Variants in UBOX5 observed in about 807,000 individuals in gnomAD.
The protein encoded by UBOX5 is RING finger protein 37.
Under a neutral mutation model 39.0 loss-of-function variants are expected in UBOX5, and 28 were observed. That is an observed-to-expected ratio of 0.72 (90% CI 0.53 to 0.98). The LOEUF (loss-of-function observed/expected upper bound fraction) is 0.98. UBOX5 is among the 50% of genes least tolerant of loss of function. The pLI is 0.00. For missense variants in UBOX5, 585 were observed against 674.4 expected (o/e 0.87, Z 1.47); for synonymous variants, 283 against 275.5 (o/e 1.03, Z -0.27).
intron 1 of UBOX5, among the ~76,000 whole-genome samples, chr20:3,134,029 T>C (rs1415694693): frequency 6.6e-6 from 1 of 152,106 alleles, no homozygotes; most frequent in Non-Finnish European, 1.5e-5. Flanking sequence ...AGTGCTGAGA[T>C]TACAGGTGTG....
intron 1 of UBOX5, among the ~76,000 whole-genome samples, chr20:3,137,582 T>C (rs2066482447): frequency 6.6e-6 from 1 of 152,224 alleles, no homozygotes; most frequent in African/African-American, 2.4e-5. Context: ...ACATCTTGCA[T>C]AGCTATACTA....
intron 1 of UBOX5, chr20:3,148,338 G>A (rs1213122809): frequency 1.2e-6 from 2 of 1,613,970 alleles, no homozygotes; most frequent in East Asian, 4.5e-5. Context: ...GCCACCAAAA[G>A]GAGCTGATCC....
chr20:3,117,420 A>G (rs1467272398), intron 3 of UBOX5, among the ~76,000 whole-genome samples: 1 of 152,124 alleles, frequency 6.6e-6, no homozygotes, highest in Non-Finnish European at 1.5e-5. Flanking sequence ...GCTGTAGCTC[A>G]TGCCTGTAAT....
intron 2 of UBOX5, among the ~76,000 whole-genome samples, 194 bp downstream of exon 2, chr20:3,123,118 C>T (rs1242576189): frequency 2.0e-5 from 3 of 152,120 alleles, no homozygotes; most frequent in Admixed American, 2.0e-4. Flanking sequence ...AGTCACAGCT[C>T]ACCTCACCAT....
intron 1 of UBOX5, among the ~76,000 whole-genome samples, chr20:3,135,476 G>A (rs1222706068): frequency 6.6e-6 from 1 of 152,120 alleles, no homozygotes; most frequent in Non-Finnish European, 1.5e-5. Context: ...GCCACAGCTG[G>A]GAAGGCAAAC....
rs2066599786 is a variant in UBOX5, at chr20:3,149,155, G to A, written c.-42+10611C>T. 1 of 1,448,648 alleles carries A rather than the reference G, an allele frequency of 6.9e-7. No homozygotes were observed. Among genetic ancestry groups the A allele is most frequent in the African/African-American group, 1.4e-5 (1 of 70,642 alleles). The allele number at this position is 1,448,648 out of a possible 1,614,324, so 89.7% of individuals were successfully genotyped here. A position where few individuals can be genotyped will look rare whatever the true frequency, so the allele number is the denominator to read the frequency against. ...GCAATTTCTTGTTTATATGGTGCTT[G>A]ATTAGAGCTGGACGGGGAGGTGTTC... On this transcript the variant is annotated intron_variant, in intron 1 of 4. Coordinates refer to ENST00000217173, the MANE Select transcript of UBOX5 (RefSeq NM_014948.4). The surrounding 1 kb of genome is among the most constrained non-coding windows in gnomAD (Gnocchi z 4.1).
intron 4 of UBOX5, chr20:3,111,878 G>A (rs1393586190): frequency 3.3e-5 from 5 of 152,254 alleles, no homozygotes; most frequent in Admixed American, 2.0e-4. Context: ...CACATGTGAT[G>A]AATGGACCTG....
At chr20:3,130,258 T>C (rs59455925) in intron 1 of UBOX5, among the ~76,000 whole-genome samples, 74 of 62,368 alleles carry the variant, frequency 1.2e-3, no homozygotes, top group African/African-American at 6.4e-3. Flanking sequence ...AATAAATAAA[T>C]AAATAAATAA....
intron 1 of UBOX5, among the ~76,000 whole-genome samples, chr20:3,141,448 G>C (rs914417787): frequency 6.6e-6 from 1 of 151,788 alleles, no homozygotes; most frequent in Non-Finnish European, 1.5e-5. Flanking sequence ...AGGAGTTTTT[G>C]ATACCAGCCT....
At chr20:3,120,155 C>T (rs891653784) in intron 3 of UBOX5, among the ~76,000 whole-genome samples, 8 of 151,962 alleles carry the variant, frequency 5.3e-5, no homozygotes, top group South Asian at 2.1e-4. Context: ...GAGACCATCC[C>T]GGGCACCATG....
chr20:3,120,919 C>T (rs1188171284), intron 3 of UBOX5, among the ~76,000 whole-genome samples: 3 of 152,034 alleles, frequency 2.0e-5, no homozygotes, highest in African/African-American at 7.3e-5. Flanking sequence ...ACCTCTGTGA[C>T]GGTTAGAAAT....
intron 1 of UBOX5, among the ~76,000 whole-genome samples, chr20:3,152,760 T>C (rs1297003534): frequency 1.3e-5 from 2 of 151,124 alleles, no homozygotes; most frequent in Admixed American, 6.6e-5. Context: ...ATACAAAAAT[T>C]AGCTGGGCGT....
chr20:3,136,250 T>TTC (rs34005448), intron 1 of UBOX5: 1 of 150,484 alleles, frequency 6.6e-6, no homozygotes, highest in African/African-American at 2.4e-5. Flanking sequence ...TTTTTTTTTT[T>TTC]GAGGGAGGGG....
intron 1 of UBOX5, among the ~76,000 whole-genome samples, chr20:3,130,618 G>A (rs2066422377): frequency 6.6e-6 from 1 of 151,884 alleles, no homozygotes. Context: ...GGTCCTACAT[G>A]TTTCTAGTTA....
rs371974408 is a variant in UBOX5, at chr20:3,110,267, C to T, written c.1465G>A (p.Val489Ile). The change falls in exon 5 of 5, where the codon GTA (valine) becomes ATA (isoleucine). Residue 489 changes from valine (V) to isoleucine (I), a missense_variant. Transcript: ENST00000217173. ...TCCTTTTTGAAGTAGGGAGAAAATA[C>T]TCTTTTGCAGGAGGCACATTCGGGG... ...LGPECASCKR[V>I]FSPYFKKEPV... 5 of 1,614,050 alleles carry T rather than the reference C, an allele frequency of 3.1e-6. No individual in the cohort carries two copies. Among genetic ancestry groups the T allele is most frequent in the Non-Finnish European group, 4.2e-6 (5 of 1,180,028 alleles).
rs764212723 is a variant in UBOX5, at chr20:3,122,218, G to C, written c.421C>G (p.Pro141Ala). 3 of 1,614,238 alleles carry C rather than the reference G, an allele frequency of 1.9e-6. No homozygotes were observed. Among genetic ancestry groups the C allele is most frequent in the East Asian group, 4.5e-5 (2 of 44,882 alleles). ...AGTGTGGCTTCCATCGCGCCAAAAG[G>C]GGGCCTGGCCTTGAAGCCCCTGTGG... ...FSHRGFKARP[P>A]FGAMEATLPS... Residue 141 changes from proline to alanine, a missense_variant, in exon 3 of 5, where the codon CCT becomes GCT. Pro to Ala is a conservative substitution (Grantham distance 27). Transcript: ENST00000217173.
At chr20:3,157,386 C>T (rs1289914582) in intron 1 of UBOX5, among the ~76,000 whole-genome samples, 2 of 152,234 alleles carry the variant, frequency 1.3e-5, no homozygotes, top group Non-Finnish European at 2.9e-5. Flanking sequence ...ATTATTCAGT[C>T]TAGCAATCCA....
intron 4 of UBOX5, among the ~76,000 whole-genome samples, chr20:3,112,017 G>A (rs968752893): frequency 7.2e-5 from 11 of 152,086 alleles, no homozygotes; most frequent in South Asian, 6.2e-4. Context: ...GCCTGGCTGC[G>A]GGTGTTTTCT....
chr20:3,148,747 C>T (rs1229222714), intron 1 of UBOX5: 3 of 1,614,114 alleles, frequency 1.9e-6, no homozygotes, highest in Admixed American at 3.3e-5. Context: ...AGGAATCAAA[C>T]ACTTCTACGT....
Sources: gnomAD v4.1 joint callset for allele counts (sites outside exome capture counted in the v4.1 genomes callset) on GRCh38, gnomAD v4.1.1 for gene constraint, Gnocchi (gnomAD v3.1) non-coding constraint, MANE v1.5 for transcripts, NCBI Gene and HGNC (gene_info 2026-07-23, HGNC 2026-07-21) for gene names.